The following TLL2 variants were observed in gnomAD, a reference collection of about 807,000 sequenced individuals.
TLL2 encodes tolloid-like protein 2.
In TLL2, 106 loss-of-function variants were observed where a neutral mutation model predicts 123.0. The observed-to-expected ratio is 0.86, with a 90% confidence interval of 0.74 to 1.01. TLL2 has a LOEUF of 1.01. Among genes scored for constraint, TLL2 ranks in the 50% least tolerant of loss-of-function variants. The pLI, the probability that TLL2 is intolerant of heterozygous loss-of-function variation, is 0.00. For synonymous variants in TLL2, 494 were observed against 516.8 expected (o/e 0.96, Z 0.60); for missense variants, 1,332 against 1,336.7 (o/e 1.00, Z 0.06).
At chr10:96,455,961 C>T (rs191709637) in intron 2 of TLL2, among the ~76,000 whole-genome samples, 24 of 152,280 alleles carry the variant, frequency 1.6e-4, no homozygotes, top group Admixed American at 2.6e-4. Context: ...GGAAACTGAC[C>T]GTGTTTATTG....
At chr10:96,457,438 G>A (rs1164346299) in intron 2 of TLL2, among the ~76,000 whole-genome samples, 1 of 152,224 alleles carries the variant, frequency 6.6e-6, no homozygotes, top group Non-Finnish European at 1.5e-5. Context: ...AGGAAAGGGA[G>A]AGAGGGAAGG....
chr10:96,487,730 G>A (rs925800048), intron 1 of TLL2, among the ~76,000 whole-genome samples: 2 of 152,172 alleles, frequency 1.3e-5, no homozygotes, highest in Non-Finnish European at 2.9e-5. Flanking sequence ...AGAATGACTC[G>A]CCTGGGGTCA....
rs78495117 is a variant in TLL2, at chr10:96,501,246, C to T, written c.175+12265G>A. On this transcript the variant is annotated intron_variant, in intron 1 of 20. Transcript: ENST00000357947. ...TAAACCATTATCTCCCTTTCCACCA[C>T]CTCAAGGGCACCCCAGTGCCTGCTG... 1.8e-4 allele frequency among the ~76,000 whole-genome samples: 27 copies of T among 152,360 alleles called. No individual in the cohort carries two copies. The East Asian group carries it at 3.5e-3, about 20-fold the overall frequency.
intron 10 of TLL2, among the ~76,000 whole-genome samples, chr10:96,402,834 C>T (rs1409912955): frequency 6.6e-6 from 1 of 152,194 alleles, no homozygotes; most frequent in Non-Finnish European, 1.5e-5. Flanking sequence ...TCTGACCTAC[C>T]TCAGCCTTGG....
chr10:96,477,410 C>T (rs895189107), intron 2 of TLL2, among the ~76,000 whole-genome samples: 5 of 150,092 alleles, frequency 3.3e-5, no homozygotes, highest in African/African-American at 9.8e-5. Context: ...AGTGCAGTGG[C>T]GTGATCTTGC....
At chr10:96,443,002 C>A (rs1846863970) in intron 3 of TLL2, among the ~76,000 whole-genome samples, 2 of 152,310 alleles carry the variant, frequency 1.3e-5, no homozygotes, top group African/African-American at 2.4e-5. Flanking sequence ...GTCATAGCTA[C>A]TAAGTGGGTG....
intron 12 of TLL2, 67 bp from the exon 13 acceptor site, chr10:96,395,449 G>A: frequency 6.8e-7 from 1 of 1,462,156 alleles, no homozygotes; most frequent in South Asian, 1.4e-5. Flanking sequence ...GATTTAAGAA[G>A]AGAACCCAAA....
rs751098786 is a variant in TLL2, at chr10:96,387,076, C to A, written c.1729G>T (p.Val577Leu). The A allele has an allele frequency of 5.0e-6, 8 of 1,612,540 alleles. No homozygotes were observed. The African/African-American group carries it at 1.1e-4, about 22-fold the overall frequency. The change falls in exon 14 of 21, where the codon GTG (valine) becomes TTG (leucine). Residue 577 changes from valine (V) to leucine (L), a missense_variant and splice_region_variant. By Grantham distance (32) the Val-to-Leu change is conservative. Coordinates refer to ENST00000357947, the MANE Select transcript of TLL2 (RefSeq NM_012465.4). ...AGFAANFFKEVDECSWPDHGG... is the reference protein window; with the variant it reads ...AGFAANFFKELDECSWPDHGG... ...TGATCTGGCCAGGAACACTCATCCA[C>A]CTCTGGTGGGGAAGGAAGGTGACCC... is the stretch of plus-strand genomic sequence containing the variant.
chr10:96,491,457 A>G (rs10882802), intron 1 of TLL2, among the ~76,000 whole-genome samples: 130,775 of 151,736 alleles, frequency 0.86, 56,400 homozygotes, highest in Middle Eastern at 0.97. Context: ...TCCAGTCTTG[A>G]CTGACCCCAC....
In TLL2 at chr10:96,486,236, G is replaced by A. The variant is rs1847355237; in HGVS notation, c.176-5777C>T. Among the ~76,000 whole-genome samples, 4 of 152,120 alleles carry A rather than the reference G, an allele frequency of 2.6e-5. No individual in the cohort carries two copies. The South Asian group carries it at 8.3e-4, about 32-fold the overall frequency. ...GAATAAATGTTTCATGATATGGTTTGGTAAAATAGGTTTAACTACCTTTTG... is the reference window on the plus strand; with the variant it reads ...GAATAAATGTTTCATGATATGGTTTAGTAAAATAGGTTTAACTACCTTTTG... On this transcript the variant is annotated intron_variant, in intron 1 of 20. Coordinates refer to ENST00000357947, the MANE Select transcript of TLL2 (RefSeq NM_012465.4).
chr10:96,474,884 C>A (rs2134100870), intron 2 of TLL2, among the ~76,000 whole-genome samples: 1 of 152,218 alleles, frequency 6.6e-6, no homozygotes, highest in Non-Finnish European at 1.5e-5. Context: ...CTCCTGGCAA[C>A]CCTGGTGTTC....
chr10:96,413,809 C>T lies in TLL2; in HGVS notation c.924-493G>A, dbSNP rs544172042. The stretch of plus-strand genomic sequence containing the variant: ...GAATTGGTGGTCCCAGTTTGGAGGC[C>T]CTGCTGGTAAGAGGGAAATCAGATG... On this transcript the variant is annotated intron_variant, in intron 7 of 20. Transcript: ENST00000357947. Among the ~76,000 whole-genome samples, 7 of 152,170 alleles carry T rather than the reference C, an allele frequency of 4.6e-5. No individual in the cohort carries two copies. The East Asian group carries it at 1.2e-3, about 25-fold the overall frequency.
At position 96,428,672 on chromosome 10, in the gene TLL2, C is replaced by T. The variant is rs141217387; in HGVS notation, c.597G>A (p.Thr199=). ...KHTCVTFIER[T]DEESFIVFSY... Reference sequence around the variant, plus strand: ...TGAATACAATAAAGCTTTCCTCATCCGTCCTTTCTATGAAGGTCACACAGG... The same window carrying T: ...TGAATACAATAAAGCTTTCCTCATCTGTCCTTTCTATGAAGGTCACACAGG... The change falls in exon 5 of 21, where the codon ACG becomes ACA. Residue 199 remains threonine, a synonymous_variant. Coordinates refer to ENST00000357947, the MANE Select transcript of TLL2 (RefSeq NM_012465.4). The T allele has an allele frequency of 3.8e-5, 62 of 1,614,082 alleles. No homozygotes were observed. The highest frequency in any genetic ancestry group is 2.7e-4 in the East Asian group (12 of 44,884).
chr10:96,396,162 A>G, intron 11 of TLL2, 142 bp from the exon 12 acceptor site: 1 of 947,128 alleles, frequency 1.1e-6, no homozygotes, highest in South Asian at 2.3e-5. Flanking sequence ...CAGCCCACAA[A>G]CACCGCGCCT....
At chr10:96,500,950 AT>A (rs1847528415) in intron 1 of TLL2, among the ~76,000 whole-genome samples, 1 of 152,252 alleles carries the variant, frequency 6.6e-6, no homozygotes, top group South Asian at 2.1e-4. Context: ...TTACATAAGC[AT>A]CTTTATTGTC....
intron 10 of TLL2, among the ~76,000 whole-genome samples, chr10:96,404,292 T>C (rs1846428164): frequency 6.6e-6 from 1 of 152,198 alleles, no homozygotes; most frequent in Non-Finnish European, 1.5e-5. Context: ...CTAAGCTTTC[T>C]TGTTACACCA....
chr10:96,461,550 C>A (rs1231753972), intron 2 of TLL2, among the ~76,000 whole-genome samples: 1 of 152,028 alleles, frequency 6.6e-6, no homozygotes, highest in Non-Finnish European at 1.5e-5. Flanking sequence ...TGCCAACCAC[C>A]CTGGACTCTA....
At chr10:96,378,913 T>C in intron 17 of TLL2, 54 bp downstream of exon 17, 1 of 1,606,298 alleles carries the variant, frequency 6.2e-7, no homozygotes, top group Non-Finnish European at 8.5e-7. Flanking sequence ...CACAGGGGCA[T>C]GGGGTGCGGC....
chr10:96,388,361 A>T (rs546142437), intron 13 of TLL2, among the ~76,000 whole-genome samples: 2 of 152,272 alleles, frequency 1.3e-5, no homozygotes, highest in African/African-American at 4.8e-5. Flanking sequence ...AGATTGCGCC[A>T]CTGCACTCCA....
Sources: allele counts gnomAD v4.1 joint callset (sites outside exome capture counted in the v4.1 genomes callset), GRCh38; gene constraint gnomAD v4.1.1; transcripts MANE v1.5; gene names NCBI Gene and HGNC (gene_info 2026-07-23, HGNC 2026-07-21).